The following REC114 variants were observed in gnomAD, a reference collection of about 807,000 sequenced individuals.
The protein encoded by REC114 is meiotic recombination protein REC114.
In REC114, 27 loss-of-function variants were observed where a neutral mutation model predicts 31.3. The observed-to-expected ratio is 0.86, with a 90% confidence interval of 0.64 to 1.19. The LOEUF is 1.19. Among genes scored for constraint, REC114 ranks in the 50% most tolerant of loss-of-function variants. REC114 has a pLI of 0.00. For synonymous variants in REC114, 134 were observed against 127.7 expected (o/e 1.05, Z -0.33); for missense variants, 344 against 326.9 (o/e 1.05, Z -0.40).
chr15:73,478,001 C>T (rs886936658), intron 2 of REC114, among the ~76,000 whole-genome samples: 28 of 151,876 alleles, frequency 1.8e-4, no homozygotes, highest in Non-Finnish European at 2.6e-4. Flanking sequence ...TGGTGGCTCA[C>T]GCCTGTAATC....
At chr15:73,551,663 C>G (rs1375753538) in intron 4 of REC114, among the ~76,000 whole-genome samples, 1 of 152,158 alleles carries the variant, frequency 6.6e-6, no homozygotes, top group Non-Finnish European at 1.5e-5. Context: ...CAAGGGAACG[C>G]ACCTGTGTGA....
At chr15:73,444,416 A>G (rs1042360552) in intron 1 of REC114, among the ~76,000 whole-genome samples, 3 of 152,232 alleles carry the variant, frequency 2.0e-5, no homozygotes, top group African/African-American at 4.8e-5. Flanking sequence ...CATTTCAGCA[A>G]TGTTCACGGC....
In REC114 at chr15:73,454,505, T is replaced by C. The variant is rs116698143; in HGVS notation, c.159+11161T>C. Among the ~76,000 whole-genome samples the C allele has an allele frequency of 4.9e-3, 740 of 152,284 alleles. 6 individuals carry two copies. The highest frequency in any genetic ancestry group is 0.017 in the African/African-American group (704 of 41,560). ...TTAGAGAAAGGGCACAATGAATTAT[T>C]CACCACATTCTAGAATATTAGAGCC... On this transcript the variant is annotated intron_variant, in intron 1 of 5. Coordinates refer to ENST00000331090, the MANE Select transcript of REC114 (RefSeq NM_001042367.2).
At chr15:73,464,421 G>A (rs191258104) in intron 1 of REC114, among the ~76,000 whole-genome samples, 1 of 152,066 alleles carries the variant, frequency 6.6e-6, no homozygotes, top group East Asian at 1.9e-4. Context: ...GTTCCCCCGG[G>A]AGCCTCGTGT....
chr15:73,466,844 T>C (rs911913143), intron 1 of REC114, among the ~76,000 whole-genome samples: 1 of 152,236 alleles, frequency 6.6e-6, no homozygotes, highest in Non-Finnish European at 1.5e-5. Context: ...ATGACAGAAT[T>C]GGAGTGCCTC....
At chr15:73,489,002 A>G (rs989629013) in intron 2 of REC114, among the ~76,000 whole-genome samples, 1 of 152,182 alleles carries the variant, frequency 6.6e-6, no homozygotes, top group Non-Finnish European at 1.5e-5. Flanking sequence ...TATAAACAAT[A>G]GAAATGTATT....
At chr15:73,529,816 C>A (rs1894052783) in intron 2 of REC114, among the ~76,000 whole-genome samples, 1 of 152,136 alleles carries the variant, frequency 6.6e-6, no homozygotes. Flanking sequence ...TTCCCCTAGA[C>A]TCCCAGCTCC....
chr15:73,509,036 G>A (rs1459572934), intron 2 of REC114, among the ~76,000 whole-genome samples: 1 of 151,748 alleles, frequency 6.6e-6, no homozygotes, highest in Admixed American at 6.6e-5. Flanking sequence ...TTCCACAATG[G>A]TTGAACTAGT....
chr15:73,475,830 A>C (rs1245619678), intron 2 of REC114, among the ~76,000 whole-genome samples: 1 of 152,190 alleles, frequency 6.6e-6, no homozygotes, highest in East Asian at 1.9e-4. Flanking sequence ...GTAATGTCCT[A>C]GGCCATCACA....
At chr15:73,510,190 T>C (rs1893742214) in intron 2 of REC114, among the ~76,000 whole-genome samples, 1 of 152,182 alleles carries the variant, frequency 6.6e-6, no homozygotes, top group East Asian at 1.9e-4. Flanking sequence ...AGGTATTTTA[T>C]TCTCTTTGAA....
At chr15:73,485,590 T>G (rs1893354314) in intron 2 of REC114, among the ~76,000 whole-genome samples, 1 of 152,146 alleles carries the variant, frequency 6.6e-6, no homozygotes, top group Non-Finnish European at 1.5e-5. Flanking sequence ...TCTCGTGAGA[T>G]CTGGTTACAT....
At chr15:73,535,793 A>C (rs568655979) in intron 2 of REC114, among the ~76,000 whole-genome samples, 166 of 151,648 alleles carry the variant, frequency 1.1e-3, no homozygotes, top group Non-Finnish European at 1.8e-3. Flanking sequence ...AGGCTACAGT[A>C]ACCAAAACAG....
chr15:73,528,327 A>G (rs1894032989), intron 2 of REC114, among the ~76,000 whole-genome samples: 1 of 152,226 alleles, frequency 6.6e-6, no homozygotes, highest in African/African-American at 2.4e-5. Flanking sequence ...ATGGCTGCTA[A>G]TATCACAAAA....
At chr15:73,540,393 AAT>A (rs577953023) in intron 2 of REC114, 90 bp from the exon 3 acceptor site, 13 of 944,930 alleles carry the variant, frequency 1.4e-5, no homozygotes, top group Non-Finnish European at 2.3e-5. Context: ...ACAATAAACA[AAT>A]ATACAACTTT....
intron 2 of REC114, among the ~76,000 whole-genome samples, chr15:73,514,449 C>T (rs538762103): frequency 1.3e-5 from 2 of 152,048 alleles, no homozygotes; most frequent in South Asian, 2.1e-4. Context: ...TGTTCCTATT[C>T]GGCCATCTTG....
chr15:73,461,101 AC>A lies in REC114; in HGVS notation c.160-12730del. ...GAAAAAGTTCTCTATATATATGATT[AC>A]TTTTTTGGTGGTGGGGAAGGTCTGC... On this transcript the variant is annotated intron_variant, in intron 1 of 5. Transcript: ENST00000331090. Among the ~76,000 whole-genome samples, 2 of 151,662 alleles carry A rather than the reference AC, an allele frequency of 1.3e-5. 1 individual carries two copies. Among genetic ancestry groups the A allele is most frequent in the South Asian group, 4.2e-4 (2 of 4,806 alleles).
rs118007403 is a variant in REC114, at chr15:73,464,494, C to T, written c.160-9338C>T. Among the ~76,000 whole-genome samples, 95 of 152,158 alleles carry T rather than the reference C, an allele frequency of 6.2e-4. 1 individual carries two copies. The East Asian group carries it at 0.015, about 24-fold the overall frequency. On this transcript the variant is annotated intron_variant, in intron 1 of 5. Transcript: ENST00000331090. ...TGGGTATGTAGCTATTTTCCTTTGT[C>T]TAACTTATGGGTCTTTTCACTCCTG...
At chr15:73,463,161 A>T (rs1417814074) in intron 1 of REC114, among the ~76,000 whole-genome samples, 1 of 152,186 alleles carries the variant, frequency 6.6e-6, no homozygotes, top group African/African-American at 2.4e-5. Context: ...AAAAATTGTG[A>T]TTGATTGGTG....
chr15:73,551,020 AG>A lies in REC114; in HGVS notation c.417del (p.Lys139AsnfsTer6). 2 of 1,613,942 alleles carry A rather than the reference AG, an allele frequency of 1.2e-6. No homozygotes were observed. The highest frequency in any genetic ancestry group is 1.7e-6 in the Non-Finnish European group (2 of 1,179,856). On this transcript the variant is annotated frameshift_variant, in exon 4 of 6. Transcript: ENST00000331090. LOFTEE classifies it high-confidence loss of function. ...GAACACTGCTGCAGTTGTGTTCAGA[AG>A]CTGGCACAATACATAACCGTGCAGG... ...ALEHCCSCVQ[K>X]LAQYITVQVP...
Sources: gnomAD v4.1 joint callset for allele counts (sites outside exome capture counted in the v4.1 genomes callset) on GRCh38, gnomAD v4.1.1 for gene constraint, MANE v1.5 for transcripts, NCBI Gene and HGNC (gene_info 2026-07-23, HGNC 2026-07-21) for gene names.